The following STK10 variants were observed in gnomAD, a reference collection of about 807,000 sequenced individuals.
STK10 encodes the protein serine/threonine kinase 10.
In STK10, 78 loss-of-function variants were observed where a neutral mutation model predicts 113.8. The observed-to-expected ratio is 0.69, with a 90% CI of 0.57 to 0.83. STK10 has a LOEUF of 0.83. STK10 is among the 40% of genes least tolerant of loss of function. STK10 has a pLI of 0.00. For synonymous variants in STK10, 465 were observed against 494.7 expected, an observed-to-expected ratio of 0.94 and a Z score of 0.80; for missense variants, 1,109 against 1,280.1, an observed-to-expected ratio of 0.87 and a Z score of 2.04.
rs1339499968 is a variant in STK10, at chr5:172,093,392, G to A, written c.1554+20C>T. The A allele has an allele frequency of 6.4e-7, 1 of 1,568,336 alleles. No homozygotes were observed. Among genetic ancestry groups the A allele is most frequent in the African/African-American group, 1.4e-5 (1 of 73,662 alleles). On this transcript the variant is annotated intron_variant, in intron 9 of 18. Transcript: ENST00000176763. This position sits in a 1 kb window ranked among gnomAD's most constrained non-coding sequence, Gnocchi z 4.1. ...TGCAATGGTCTTGCTGCAAGCCCGT[G>A]GTGGCAGAGGCGGTGTTACCTTGAT...
intron 7 of STK10, 78 bp downstream of exon 7, chr5:172,105,578 A>T: frequency 6.8e-7 from 1 of 1,471,694 alleles, no homozygotes; most frequent in Non-Finnish European, 9.5e-7. Flanking sequence ...GGGTGAGAAC[A>T]TGCCCAGCGT....
At chr5:172,070,286 T>G (rs995484040) in intron 12 of STK10, among the ~76,000 whole-genome samples, 1 of 150,874 alleles carries the variant, frequency 6.6e-6, no homozygotes, top group Non-Finnish European at 1.5e-5. Context: ...TATCTATATA[T>G]ATATGTTATT....
At chr5:172,081,534 A>G (rs750253675) in intron 12 of STK10, among the ~76,000 whole-genome samples, 1 of 152,072 alleles carries the variant, frequency 6.6e-6, no homozygotes, top group Non-Finnish European at 1.5e-5. Context: ...TCTCCGAGGT[A>G]TATCTGTGCC....
At chr5:172,174,403 C>A (rs574345696) in intron 1 of STK10, among the ~76,000 whole-genome samples, 2 of 152,196 alleles carry the variant, frequency 1.3e-5, no homozygotes, top group South Asian at 4.1e-4. Context: ...AACTCTTGAC[C>A]TCAGATGATC....
chr5:172,086,896 G>C (rs1276029608), intron 10 of STK10, among the ~76,000 whole-genome samples: 1 of 152,160 alleles, frequency 6.6e-6, no homozygotes, highest in African/African-American at 2.4e-5. Flanking sequence ...CCACAGCCAG[G>C]GCCAGAGAGC....
intron 1 of STK10, among the ~76,000 whole-genome samples, chr5:172,182,745 G>T (rs942920605): frequency 2.6e-5 from 4 of 151,848 alleles, no homozygotes; most frequent in Admixed American, 1.3e-4. Context: ...GTAGAGACGG[G>T]GTTTCACCAT....
chr5:172,042,439 C>T lies in STK10; in HGVS notation c.*2443G>A, dbSNP rs1767397920. ...GCGGCACTGAGCGGGGACGCGGCAA[C>T]TCCTTGAAGGGCAAAAGTGATGTGA... On this transcript the variant is annotated 3_prime_UTR_variant, in exon 19 of 19. Transcript: ENST00000176763. The T allele has an allele frequency of 6.6e-6, 1 of 152,654 alleles. No individual in the cohort carries two copies. Among genetic ancestry groups the T allele is most frequent in the Non-Finnish European group, 1.5e-5 (1 of 68,056 alleles). 9.5% of individuals were successfully genotyped at this position (152,654 alleles called of 1,614,324 possible).
chr5:172,162,289 G>A (rs1191693732), intron 1 of STK10, among the ~76,000 whole-genome samples: 3 of 152,128 alleles, frequency 2.0e-5, no homozygotes, highest in Admixed American at 6.5e-5. Context: ...GCAGTGAGCC[G>A]ACTGCGCCAC....
chr5:172,102,014 G>A (rs1769002082), intron 7 of STK10, among the ~76,000 whole-genome samples: 1 of 152,146 alleles, frequency 6.6e-6, no homozygotes, highest in Non-Finnish European at 1.5e-5. Context: ...TGAGACTCTG[G>A]GTTTTCCCTA....
At chr5:172,109,098 T>C (rs1450745385) in intron 4 of STK10, among the ~76,000 whole-genome samples, 2 of 152,120 alleles carry the variant, frequency 1.3e-5, no homozygotes, top group Admixed American at 6.6e-5. Flanking sequence ...CTGATTACTA[T>C]TTATATTACT....
intron 18 of STK10, among the ~76,000 whole-genome samples, chr5:172,048,414 T>TACACACACACACACACACAC (rs370301917): frequency 0.019 from 2,466 of 128,394 alleles, 108 homozygotes; most frequent in African/African-American, 0.029. Context: ...TCCCTCTCCC[T>TACACACACACACACACACAC]ACACACACAC....
chr5:172,130,925 T>C (rs1377800706), intron 2 of STK10, among the ~76,000 whole-genome samples: 6 of 147,442 alleles, frequency 4.1e-5, no homozygotes, highest in African/African-American at 1.5e-4. Flanking sequence ...CTCAGTCTGA[T>C]TCCTAGGGAA....
At chr5:172,067,699 AAAC>A (rs1385145599) in intron 12 of STK10, among the ~76,000 whole-genome samples, 1 of 152,098 alleles carries the variant, frequency 6.6e-6, no homozygotes, top group African/African-American at 2.4e-5. Context: ...AATTAAAATA[AAAC>A]AATAGTGGAA....
rs922651035 is a variant in STK10, at chr5:172,139,267, G to A, written c.322-11846C>T. On this transcript the variant is annotated intron_variant, in intron 2 of 18. Transcript: ENST00000176763. ...AAAAAGAAAAACAAAGGTGAAGGTC[G>A]CACACTTCCAGATTTCAAAATGTAC... Among the ~76,000 whole-genome samples the A allele has an allele frequency of 3.9e-5, 6 of 152,050 alleles. No individual in the cohort carries two copies. The South Asian group carries it at 8.3e-4, about 21-fold the overall frequency.
chr5:172,167,148 G>C (rs1172920190), intron 1 of STK10, among the ~76,000 whole-genome samples: 2 of 138,190 alleles, frequency 1.4e-5, no homozygotes, highest in Non-Finnish European at 3.1e-5. Flanking sequence ...AACAGAGCAA[G>C]AATCTGTCTC....
At chr5:172,101,971 G>T (rs374851503) in intron 7 of STK10, among the ~76,000 whole-genome samples, 6 of 152,064 alleles carry the variant, frequency 3.9e-5, no homozygotes, top group Admixed American at 1.3e-4. Flanking sequence ...AGCAGGGTGG[G>T]GGGGGCGGAT....
intron 2 of STK10, among the ~76,000 whole-genome samples, chr5:172,142,908 T>C (rs1770007181): frequency 1.3e-5 from 2 of 152,166 alleles, no homozygotes; most frequent in South Asian, 4.1e-4. Flanking sequence ...GAAAGGCCCC[T>C]CTGCTTCTTT....
chr5:172,054,429 G>T, intron 17 of STK10, 140 bp downstream of exon 17: 1 of 1,270,466 alleles, frequency 7.9e-7, no homozygotes, highest in Non-Finnish European at 1.1e-6. Flanking sequence ...GAGCAGCATG[G>T]CAGGGCTGGA....
chr5:172,083,681 A>G (rs1286538168), intron 10 of STK10, among the ~76,000 whole-genome samples: 4 of 151,856 alleles, frequency 2.6e-5, no homozygotes, highest in Non-Finnish European at 4.4e-5. Context: ...GCCAAAGCAG[A>G]AGAATCACCT....
Sources: allele counts gnomAD v4.1 joint callset (sites outside exome capture counted in the v4.1 genomes callset), GRCh38; gene constraint gnomAD v4.1.1; non-coding constraint Gnocchi (gnomAD v3.1); transcripts MANE v1.5; gene names NCBI Gene and HGNC (gene_info 2026-07-23, HGNC 2026-07-21).